ADPRHL1: variants seen among roughly 807,000 people sequenced by gnomAD.
The protein encoded by ADPRHL1 is ADP-ribosylhydrolase like 1.
ADPRHL1 carries 43 observed loss-of-function variants against 44.1 expected under a neutral mutation model. That is an observed-to-expected ratio of 0.98 (90% confidence interval 0.76 to 1.26). ADPRHL1 has a LOEUF of 1.26. Among genes scored for constraint, ADPRHL1 ranks in the 50% most tolerant of loss-of-function variants. The probability of loss-of-function intolerance (pLI) is 0.00; values close to 1 mark genes in which losing one functional copy is unlikely to be tolerated. For synonymous variants in ADPRHL1, 878 were observed against 1,017.4 expected (o/e 0.86, Z 2.61); for missense variants, 2,022 against 2,496.9 (o/e 0.81, Z 4.05).
intron 3 of ADPRHL1, among the ~76,000 whole-genome samples, chr13:113,429,539 G>A (rs995357825): frequency 2.0e-5 from 3 of 152,254 alleles, no homozygotes; most frequent in African/African-American, 4.8e-5. Flanking sequence ...GTGGACGAAC[G>A]CATTTTGATT....
At chr13:113,452,642 A>G (rs981517122) in intron 1 of ADPRHL1, among the ~76,000 whole-genome samples, 1 of 152,188 alleles carries the variant, frequency 6.6e-6, no homozygotes, top group Non-Finnish European at 1.5e-5. Context: ...CGTCCAATCA[A>G]GTTTATGTCA....
chr13:113,450,897 C>A (rs1039342011), intron 1 of ADPRHL1, among the ~76,000 whole-genome samples: 1 of 152,088 alleles, frequency 6.6e-6, no homozygotes, highest in African/African-American at 2.4e-5. Context: ...TCATGTCAGG[C>A]CCTCCACAAG....
intron 5 of ADPRHL1, 99 bp downstream of exon 5, chr13:113,424,953 T>C (rs55669211): frequency 1.4e-6 from 2 of 1,423,706 alleles, no homozygotes; most frequent in Non-Finnish European, 1.9e-6. Context: ...TATCCATCCA[T>C]CCATTCACCT....
intron 2 of ADPRHL1, among the ~76,000 whole-genome samples, chr13:113,439,109 C>T (rs754788005): frequency 6.6e-6 from 1 of 152,088 alleles, no homozygotes; most frequent in East Asian, 1.9e-4. Flanking sequence ...GACTGAAATT[C>T]TCTTTCCTTT....
intron 1 of ADPRHL1, among the ~76,000 whole-genome samples, chr13:113,451,636 C>T (rs1020365015): frequency 1.4e-4 from 22 of 152,170 alleles, no homozygotes; most frequent in Non-Finnish European, 2.5e-4. Flanking sequence ...GGTGAAACCC[C>T]GTCTCTACTA....
chr13:113,449,064 C>G lies in ADPRHL1; in HGVS notation c.214+4160G>C, dbSNP rs530485496. ...GCAACATGGGCTTGTCGTTTCAGGG[C>G]CATGGATGCCACCTCTCCTATGTGT... On this transcript the variant is annotated intron_variant, in intron 1 of 7. Coordinates refer to ENST00000612156, the MANE Select transcript of ADPRHL1 (RefSeq NM_001394807.1). 3.0e-6 allele frequency: 3 copies of G among 987,390 alleles called. No homozygotes were observed. The East Asian group carries it at 3.4e-4, about 112-fold the overall frequency. 61.2% of individuals were successfully genotyped at this position (987,390 alleles called of 1,614,324 possible).
chr13:113,419,559 G>A (rs1023588073), intron 7 of ADPRHL1, among the ~76,000 whole-genome samples: 5 of 152,014 alleles, frequency 3.3e-5, no homozygotes, highest in Admixed American at 6.6e-5. Context: ...GCATCGCTGC[G>A]CTGTAGGGAG....
At chr13:113,414,097 G>A (rs531281130) in intron 7 of ADPRHL1, among the ~76,000 whole-genome samples, 5 of 152,210 alleles carry the variant, frequency 3.3e-5, no homozygotes, top group African/African-American at 7.2e-5. Context: ...CTGGCCCTGC[G>A]GCAGGGAACA....
At position 113,429,079 on chromosome 13, in the gene ADPRHL1, G is replaced by A; in HGVS notation, c.519C>T (p.Ser173=). ...ACGACACAAACAGGGCCGTGCACAG[G>A]GAGCCCAGGAAGCCTGGAGGGCAGG... is the stretch of plus-strand genomic sequence containing the variant. ...THNHPTGFLG[S]LCTALFVSFA... is the part of the protein sequence containing the mutation. The change falls in exon 4 of 8, where the codon TCC becomes TCT. Residue 173 remains serine (S), a synonymous_variant. Coordinates refer to ENST00000612156, the MANE Select transcript of ADPRHL1 (RefSeq NM_001394807.1). The A allele has an allele frequency of 6.2e-7, 1 of 1,610,658 alleles. No individual in the cohort carries two copies. Among genetic ancestry groups the A allele is most frequent in the Non-Finnish European group, 8.5e-7 (1 of 1,179,226 alleles).
intron 1 of ADPRHL1, among the ~76,000 whole-genome samples, chr13:113,447,670 G>C (rs907528058): frequency 6.6e-6 from 1 of 152,196 alleles, no homozygotes; most frequent in African/African-American, 2.4e-5. Context: ...CCCCAGTTCT[G>C]AGTCAGGGAG....
chr13:113,433,892 T>G, intron 2 of ADPRHL1, 25 bp from the exon 3 acceptor site: 1 of 1,520,964 alleles, frequency 6.6e-7, no homozygotes, highest in Non-Finnish European at 8.9e-7. Context: ...AAGAGCTAGT[T>G]TAGACTTCTG....
intron 1 of ADPRHL1, among the ~76,000 whole-genome samples, chr13:113,447,195 C>A (rs571208112): frequency 8.5e-5 from 11 of 129,602 alleles, no homozygotes; most frequent in African/African-American, 1.5e-4. Flanking sequence ...TCTACACGCA[C>A]GGTGTTGTGT....
intron 7 of ADPRHL1, among the ~76,000 whole-genome samples, chr13:113,419,535 T>C (rs1239070261): frequency 6.6e-6 from 1 of 152,118 alleles, no homozygotes; most frequent in Non-Finnish European, 1.5e-5. Flanking sequence ...AAATGAATCC[T>C]AGAATGAAAT....
intron 7 of ADPRHL1, among the ~76,000 whole-genome samples, chr13:113,412,908 A>G (rs1344976025): frequency 8.7e-5 from 3 of 34,308 alleles, no homozygotes; most frequent in African/African-American, 5.8e-4. Context: ...ACCCACCGCC[A>G]ACAGCACCCC....
Position 113,403,800 on chromosome 13 carries a change from C to T in ADPRHL1, c.5482G>A (p.Gly1828Arg), listed in dbSNP as rs2139589289. The T allele has an allele frequency of 1.6e-6, 2 of 1,234,488 alleles. No homozygotes were observed. The highest frequency in any genetic ancestry group is 4.1e-5 in the South Asian group (1 of 24,632). 76.5% of individuals were successfully genotyped at this position (1,234,488 alleles called of 1,614,324 possible). ...WEQPISGIAE[G>R]VDAAGRSGGS... ...CCACTCCTGCCAGCAGCATCCACTC[C>T]CTCAGCTATGCCACTAATGGGCTGC... Residue 1828 changes from glycine to arginine, a missense_variant, in exon 8 of 8, where the codon GGA becomes AGA. Around this residue, in one of 8 missense-constraint regions of ADPRHL1, gnomAD observed 205 missense variants for 250.1 expected, o/e 0.82. Coordinates refer to ENST00000612156, the MANE Select transcript of ADPRHL1 (RefSeq NM_001394807.1).
chr13:113,428,994 GA>G lies in ADPRHL1; in HGVS notation c.603del (p.Leu202TrpfsTer77). The G allele has an allele frequency of 6.2e-7, 1 of 1,612,840 alleles. No homozygotes were observed. Among genetic ancestry groups the G allele is most frequent in the Non-Finnish European group, 8.5e-7 (1 of 1,180,020 alleles). On this transcript the variant is annotated frameshift_variant, in exon 4 of 8. Coordinates refer to ENST00000612156, the MANE Select transcript of ADPRHL1 (RefSeq NM_001394807.1). LOFTEE classifies it high-confidence loss of function. ...GTCTTCCTGCAGTACTCTTCTGCCA[GA>G]GGCACCGCCCGCAGCATGTCTCTCC... ...QWGRDMLRAVPLAEEYCRKTI... is the reference protein window; with the variant it reads ...QWGRDMLRAVXLAEEYCRKTI...
In ADPRHL1 at chr13:113,405,096, C is replaced by T; in HGVS notation, c.4186G>A (p.Gly1396Arg). 4 of 1,232,232 alleles carry T rather than the reference C, an allele frequency of 3.2e-6. No homozygotes were observed. The allele number at this position is 1,232,232 out of a possible 1,614,324, so 76.3% of individuals were successfully genotyped here. The stretch of plus-strand genomic sequence containing the variant: ...GAGCCCGACGGCGCCACCCTCTTCC[C>T]CGCATCCCCGGGCTGGGGGGTCTCC... The part of the protein sequence containing the change: ...QEETPQPGDA[G>R]KRVAPSGSKV... The change falls in exon 8 of 8, where the codon GGG becomes AGG. Residue 1396 changes from glycine (G) to arginine (R), a missense_variant. Around this residue, in one of 8 missense-constraint regions of ADPRHL1, gnomAD observed 1,221 missense variants for 1,517.8 expected, o/e 0.80. Coordinates refer to ENST00000612156, the MANE Select transcript of ADPRHL1 (RefSeq NM_001394807.1).
At chr13:113,423,236 G>C (rs765328097) in intron 6 of ADPRHL1, among the ~76,000 whole-genome samples, 10 of 151,406 alleles carry the variant, frequency 6.6e-5, no homozygotes, top group Middle Eastern at 3.4e-3. Flanking sequence ...CAGCCGGAGT[G>C]ACAGAGTGAG....
chr13:113,421,604 T>C (rs954797770), intron 7 of ADPRHL1, among the ~76,000 whole-genome samples: 5 of 152,172 alleles, frequency 3.3e-5, no homozygotes, highest in African/African-American at 1.2e-4. Flanking sequence ...CCGGGAAGCC[T>C]GGACCCAATG....
Sources: allele counts gnomAD v4.1 joint callset (sites outside exome capture counted in the v4.1 genomes callset), GRCh38; gene constraint gnomAD v4.1.1; regional missense constraint gnomAD v4.1.1; transcripts MANE v1.5; gene names NCBI Gene and HGNC (gene_info 2026-07-23, HGNC 2026-07-21).